The following RASIP1 variants were observed in gnomAD, a reference collection of about 807,000 sequenced individuals.
RASIP1 encodes the protein ras-interacting protein 1.
A neutral mutation model predicts 85.3 loss-of-function variants in RASIP1; 20 were observed. The observed-to-expected ratio is 0.23, with a 90% CI of 0.17 to 0.34. The LOEUF is 0.34. Among genes scored for constraint, RASIP1 ranks in the 10% least tolerant of loss-of-function variants. RASIP1 has a pLI of 1.00. For synonymous variants in RASIP1, 617 were observed against 647.1 expected (o/e 0.95, Z 0.71); for missense variants, 1,170 against 1,390.9 (o/e 0.84, Z 2.53).
In RASIP1 at chr19:48,739,741, A is replaced by G; in HGVS notation, c.138-96T>C. ...CATATTAGGAGGGAAGTGGGCAGAG[A>G]CCCAGAGGGAGGACAGGGACCCAGG... On this transcript the variant is annotated intron_variant, in intron 2 of 11. Transcript: ENST00000222145. The surrounding 1 kb of genome is among the most constrained non-coding windows in gnomAD (Gnocchi z 9.2). 5 of 1,007,132 alleles carry G rather than the reference A, an allele frequency of 5.0e-6. No homozygotes were observed. Among genetic ancestry groups the G allele is most frequent in the Non-Finnish European group, 4.8e-6 (4 of 824,790 alleles). The allele number at this position is 1,007,132 out of a possible 1,614,324, so 62.4% of individuals were successfully genotyped here.
At chr19:48,733,420 C>T (rs543026323) in intron 4 of RASIP1, among the ~76,000 whole-genome samples, 2 of 152,270 alleles carry the variant, frequency 1.3e-5, no homozygotes, top group Admixed American at 6.5e-5. Flanking sequence ...CTGTTGGTAC[C>T]CAGCTATGTA....
intron 4 of RASIP1, 109 bp from the exon 5 acceptor site, chr19:48,729,699 CCTTCTT>C: frequency 1.4e-6 from 1 of 732,320 alleles, no homozygotes. Flanking sequence ...CTTTTTTTTT[CCTTCTT>C]CTTCTTTTTT....
intron 4 of RASIP1, among the ~76,000 whole-genome samples, chr19:48,732,455 C>CTATG (rs2033477455): frequency 6.6e-6 from 1 of 151,822 alleles, no homozygotes; most frequent in African/African-American, 2.4e-5. Context: ...AGGGTTTCAC[C>CTATG]GTGTTAGCCA....
chr19:48,724,873 C>G lies in RASIP1; in HGVS notation c.2215G>C (p.Ala739Pro). The G allele has an allele frequency of 6.2e-7, 1 of 1,614,232 alleles. No individual in the cohort carries two copies. The highest frequency in any genetic ancestry group is 8.5e-7 in the Non-Finnish European group (1 of 1,180,048). Reference sequence around the variant, plus strand: ...GTAGGTCTCAATCCTGGAGGCATGGCCCCCAGCTCCGCGCCAGGCCCCGGC... The same window carrying G: ...GTAGGTCTCAATCCTGGAGGCATGGGCCCCAGCTCCGCGCCAGGCCCCGGC... ...ELPGPGAELGAMPPGLRPTLG... is the reference protein window; with the variant it reads ...ELPGPGAELGPMPPGLRPTLG... Residue 739 changes from alanine (A) to proline (P), a missense_variant, in exon 9 of 12, where the codon GCC (alanine) becomes CCC (proline). Physicochemically the swap from Ala to Pro is conservative, Grantham distance 27. Coordinates refer to ENST00000222145, the MANE Select transcript of RASIP1 (RefSeq NM_017805.3). This position sits in a 1 kb window ranked among gnomAD's most constrained non-coding sequence, Gnocchi z 4.6.
At chr19:48,736,404 AAAAAC>A (rs1294954005) in intron 3 of RASIP1, among the ~76,000 whole-genome samples, 21 of 152,148 alleles carry the variant, frequency 1.4e-4, no homozygotes, top group Admixed American at 2.6e-4. Flanking sequence ...CTCCGTCTCA[AAAAAC>A]AAAACAAAAC....
chr19:48,730,458 A>G (rs2033435619), intron 4 of RASIP1, among the ~76,000 whole-genome samples: 1 of 152,078 alleles, frequency 6.6e-6, no homozygotes, highest in Non-Finnish European at 1.5e-5. Context: ...CACCACACCC[A>G]GCCAGAGACC....
Position 48,739,371 on chromosome 19 carries a change from C to A in RASIP1, c.412G>T (p.Ala138Ser). The A allele has an allele frequency of 7.4e-7, 1 of 1,343,550 alleles. No individual in the cohort carries two copies. Among genetic ancestry groups the A allele is most frequent in the Non-Finnish European group, 9.5e-7 (1 of 1,052,430 alleles). 83.2% of individuals were successfully genotyped at this position (1,343,550 alleles called of 1,614,324 possible). A position where few individuals can be genotyped will look rare whatever the true frequency, so the allele number is the denominator to read the frequency against. ...AAGVAPEPPL[A>S]TRATAPPGVL... ...CCCGGAGGCGCCGTGGCGCGGGTAG[C>A]CAGCGGGGGCTCGGGGGCCACGCCC... The change falls in exon 3 of 12, where the codon GCT becomes TCT. Residue 138 changes from alanine (A) to serine (S), a missense_variant. Physicochemically the swap from Ala to Ser is moderately conservative, Grantham distance 99. Around this residue, in one of 4 missense-constraint regions of RASIP1, gnomAD observed 299 missense variants for 394.4 expected, o/e 0.76. Transcript: ENST00000222145. This position sits in a 1 kb window ranked among gnomAD's most constrained non-coding sequence, Gnocchi z 9.2.
At chr19:48,727,670 T>G (rs976795807) in intron 5 of RASIP1, among the ~76,000 whole-genome samples, 1 of 150,760 alleles carries the variant, frequency 6.6e-6, no homozygotes, top group African/African-American at 2.4e-5. Flanking sequence ...GCCTTCACTC[T>G]TCATACGGAT....
chr19:48,736,295 C>T (rs2033570942), intron 3 of RASIP1, among the ~76,000 whole-genome samples: 1 of 151,664 alleles, frequency 6.6e-6, no homozygotes, highest in Non-Finnish European at 1.5e-5. Flanking sequence ...CCCAGCTACT[C>T]GGGAGGCTGA....
chr19:48,738,951 G>T lies in RASIP1; in HGVS notation c.823+9C>A. 1 of 958,056 alleles carries T rather than the reference G, an allele frequency of 1.0e-6. No homozygotes were observed. The highest frequency in any genetic ancestry group is 1.2e-6 in the Non-Finnish European group (1 of 823,330). 59.3% of individuals were successfully genotyped at this position (958,056 alleles called of 1,614,324 possible). The stretch of plus-strand genomic sequence containing the variant: ...GAGTCCCCGCCCCAGAGCCCCGCCC[G>T]CCGCTCACCTTCGCTGTCCGCGGCC... On this transcript the variant is annotated intron_variant, in intron 3 of 11. Coordinates refer to ENST00000222145, the MANE Select transcript of RASIP1 (RefSeq NM_017805.3). This position sits in a 1 kb window ranked among gnomAD's most constrained non-coding sequence, Gnocchi z 4.0.
rs1329888930 is a variant in RASIP1, at chr19:48,728,923, T to G, written c.1833+14A>C. The G allele has an allele frequency of 7.0e-6, 10 of 1,433,002 alleles. No individual in the cohort carries two copies. In the African/African-American group the frequency reaches 1.5e-4, roughly 22 times the overall value. 88.8% of individuals were successfully genotyped at this position (1,433,002 alleles called of 1,614,324 possible). A position where few individuals can be genotyped will look rare whatever the true frequency, so the allele number is the denominator to read the frequency against. ...GGCGCTGGTGGGGCTGGACGGCGAT[T>G]GGGGGGCGCTCACCCAGACGGCCTC... On this transcript the variant is annotated intron_variant, in intron 5 of 11. Coordinates refer to ENST00000222145, the MANE Select transcript of RASIP1 (RefSeq NM_017805.3).
chr19:48,724,686 G>A lies in RASIP1; in HGVS notation c.2371+31C>T, dbSNP rs1439186648. The A allele has an allele frequency of 1.2e-6, 2 of 1,612,492 alleles. No individual in the cohort carries two copies. The highest frequency in any genetic ancestry group is 1.7e-6 in the Non-Finnish European group (2 of 1,179,092). Reference sequence around the variant, plus strand: ...CTGAGTCTCAGTGGCTCCTGTCTTTGCCTCCCTGACAGCTCCCAGCCAACC... The same window carrying A: ...CTGAGTCTCAGTGGCTCCTGTCTTTACCTCCCTGACAGCTCCCAGCCAACC... On this transcript the variant is annotated intron_variant, in intron 9 of 11. Transcript: ENST00000222145. The surrounding 1 kb of genome is among the most constrained non-coding windows in gnomAD (Gnocchi z 4.6).
At chr19:48,722,490 T>C (rs2033266835) in intron 10 of RASIP1, among the ~76,000 whole-genome samples, 1 of 151,786 alleles carries the variant, frequency 6.6e-6, no homozygotes, top group Non-Finnish European at 1.5e-5. Flanking sequence ...CCACCACACC[T>C]GGTTAAGTTT....
Position 48,739,829 on chromosome 19 carries a change from T to A in RASIP1, c.138-184A>T, listed in dbSNP as rs2033640166. ...GCGAGGCAAAGAGAGAGAGAAAAAA[T>A]AAATAAATAAAGGCAAGTCCCACAG... On this transcript the variant is annotated intron_variant, in intron 2 of 11. Transcript: ENST00000222145. The surrounding 1 kb of genome is among the most constrained non-coding windows in gnomAD (Gnocchi z 9.2). Among the ~76,000 whole-genome samples the A allele has an allele frequency of 1.3e-5, 2 of 151,414 alleles. No individual in the cohort carries two copies. The highest frequency in any genetic ancestry group is 1.5e-5 in the Non-Finnish European group (1 of 67,864).
In RASIP1 at chr19:48,738,973, G is replaced by A. The variant is rs1423642017; in HGVS notation, c.810C>T (p.Ala270=). 3 of 1,204,558 alleles carry A rather than the reference G, an allele frequency of 2.5e-6. No homozygotes were observed. Among genetic ancestry groups the A allele is most frequent in the Non-Finnish European group, 3.1e-6 (3 of 972,734 alleles). 74.6% of individuals were successfully genotyped at this position (1,204,558 alleles called of 1,614,324 possible). The change falls in exon 3 of 12, where the codon GCC becomes GCT. Residue 270 remains alanine (A), a synonymous_variant. Coordinates refer to ENST00000222145, the MANE Select transcript of RASIP1 (RefSeq NM_017805.3). This position sits in a 1 kb window ranked among gnomAD's most constrained non-coding sequence, Gnocchi z 4.0. Reference sequence around the variant, plus strand: ...CCCGCCGCTCACCTTCGCTGTCCGCGGCCCCGAAGGCCTCCTGCTCCAGGC... The same window carrying A: ...CCCGCCGCTCACCTTCGCTGTCCGCAGCCCCGAAGGCCTCCTGCTCCAGGC... ...ARRLEQEAFG[A]ADSEGTGAPS... is the part of the protein sequence containing the mutation.
At chr19:48,736,541 G>A (rs1186255110) in intron 3 of RASIP1, among the ~76,000 whole-genome samples, 2 of 152,194 alleles carry the variant, frequency 1.3e-5, no homozygotes, top group Non-Finnish European at 2.9e-5. Context: ...TTCCCTGACA[G>A]TCCAAGTTGA....
At position 48,720,648 on chromosome 19, in the gene RASIP1, G is replaced by A; in HGVS notation, c.*150C>T. ...CACATCCTAAGCCCATGCTCCCACC[G>A]TCCCATCCGCTACTTCCCGAAAACT... On this transcript the variant is annotated 3_prime_UTR_variant, in exon 12 of 12. Coordinates refer to ENST00000222145, the MANE Select transcript of RASIP1 (RefSeq NM_017805.3). 1 of 828,146 alleles carries A rather than the reference G, an allele frequency of 1.2e-6. No individual in the cohort carries two copies. The highest frequency in any genetic ancestry group is 2.1e-5 in the Admixed American group (1 of 47,086). The allele number at this position is 828,146 out of a possible 1,614,324, so 51.3% of individuals were successfully genotyped here.
At chr19:48,725,041 G>C in intron 8 of RASIP1, 81 bp from the exon 9 acceptor site, 1 of 1,514,696 alleles carries the variant, frequency 6.6e-7, no homozygotes, top group Non-Finnish European at 8.9e-7. Flanking sequence ...TGAAGATAGT[G>C]GGGAGCTCCA....
rs532891382 is a variant in RASIP1, at chr19:48,732,862, C to T, written c.1179+2334G>A. Among the ~76,000 whole-genome samples, 10 of 152,238 alleles carry T rather than the reference C, an allele frequency of 6.6e-5. No individual in the cohort carries two copies. In the South Asian group the frequency reaches 8.3e-4, roughly 13 times the overall value. The stretch of plus-strand genomic sequence containing the variant: ...TAACCCAATTGGATCTTTCTGTGAC[C>T]GTAAAAATGGAACTGTCGAATAAGC... On this transcript the variant is annotated intron_variant, in intron 4 of 11. Transcript: ENST00000222145.
Sources: allele counts gnomAD v4.1 joint callset (sites outside exome capture counted in the v4.1 genomes callset), GRCh38; gene constraint gnomAD v4.1.1; regional missense constraint gnomAD v4.1.1; non-coding constraint Gnocchi (gnomAD v3.1); transcripts MANE v1.5; gene names NCBI Gene and HGNC (gene_info 2026-07-23, HGNC 2026-07-21).